The following SMC1B variants were observed in gnomAD, a reference collection of about 807,000 sequenced individuals.
SMC1B encodes the protein structural maintenance of chromosomes protein 1B.
A neutral mutation model predicts 157.9 loss-of-function variants in SMC1B; 60 were observed. That is an observed-to-expected ratio of 0.38 (90% CI 0.31 to 0.47). The LOEUF (loss-of-function observed/expected upper bound fraction) is 0.47. SMC1B is among the 20% of genes least tolerant of loss of function. The pLI, the probability that SMC1B is intolerant of heterozygous loss-of-function variation, is 0.99. For synonymous variants in SMC1B, 445 were observed against 483.0 expected (o/e 0.92, Z 1.03); for missense variants, 1,165 against 1,426.2 (o/e 0.82, Z 2.95).
At position 45,413,339 on chromosome 22, in the gene SMC1B, A is replaced by G; in HGVS notation, c.109+120T>C. On this transcript the variant is annotated intron_variant, in intron 1 of 24. Coordinates refer to ENST00000357450, the MANE Select transcript of SMC1B (RefSeq NM_148674.5). ...GATCCGGTCGCGGTCAGGCTCCGGG[A>G]CTGGAAGGGGAAGGCCGGCCAGGCG... 3 of 727,618 alleles carry G rather than the reference A, an allele frequency of 4.1e-6. 1 individual carries two copies. In the South Asian group the frequency reaches 5.7e-5, roughly 14 times the overall value. The allele number at this position is 727,618 out of a possible 1,614,324, so 45.1% of individuals were successfully genotyped here.
At chr22:45,353,555 T>C (rs1213820215) in intron 21 of SMC1B, among the ~76,000 whole-genome samples, 2 of 152,194 alleles carry the variant, frequency 1.3e-5, no homozygotes, top group East Asian at 3.9e-4. Flanking sequence ...CTTTAGTTAT[T>C]TTCCTCTCTT....
rs375870131 is a variant in SMC1B at position 45,389,774 on chromosome 22, T to C, written c.1669A>G (p.Ile557Val). ...VASEKVAKDCIRFLKEERAEP... is the reference protein window; with the variant it reads ...VASEKVAKDCVRFLKEERAEP... Reference sequence around the variant, plus strand: ...GCTCTTTCCTCCTTCAGAAATCGAATACAATCTTTTGCTACCTTTTCAGAG... The same window carrying C: ...GCTCTTTCCTCCTTCAGAAATCGAACACAATCTTTTGCTACCTTTTCAGAG... Residue 557 changes from isoleucine (I) to valine (V), a missense_variant, in exon 10 of 25, where the codon ATT becomes GTT. Ile to Val is a conservative substitution (Grantham distance 29, BLOSUM62 3). Coordinates refer to ENST00000357450, the MANE Select transcript of SMC1B (RefSeq NM_148674.5). 5.2e-5 allele frequency: 84 copies of C among 1,614,034 alleles called. No individual in the cohort carries two copies. Among genetic ancestry groups the C allele is most frequent in the Non-Finnish European group, 7.0e-5 (83 of 1,180,018 alleles).
At chr22:45,352,737 T>C in intron 21 of SMC1B, 135 bp from the exon 22 acceptor site, 1 of 846,962 alleles carries the variant, frequency 1.2e-6, no homozygotes, top group Admixed American at 2.9e-5. Context: ...CTATAAATAA[T>C]GTATTTAGTT....
At chr22:45,352,269 T>A (rs1016122351) in intron 22 of SMC1B, among the ~76,000 whole-genome samples, 182 bp downstream of exon 22, 12 of 152,272 alleles carry the variant, frequency 7.9e-5, no homozygotes, top group African/African-American at 2.4e-4. Context: ...TGTCTTCGAT[T>A]TGCTGTGTAA....
chr22:45,377,177 T>C (rs1432311074), intron 12 of SMC1B, among the ~76,000 whole-genome samples: 1 of 152,256 alleles, frequency 6.6e-6, no homozygotes, highest in East Asian at 1.9e-4. Flanking sequence ...TGTAGGATTC[T>C]TTTAAAATTA....
At chr22:45,358,469 C>A (rs5764700) in intron 19 of SMC1B, among the ~76,000 whole-genome samples, 58,901 of 151,968 alleles carry the variant, frequency 0.39, 13,502 homozygotes, top group Non-Finnish European at 0.52. Context: ...ATTGTAGAAC[C>A]CCCATTTGGT....
Position 45,413,561 on chromosome 22 carries a change from G to A in SMC1B, c.7C>T (p.His3Tyr), listed in dbSNP as rs779041352. MA[H>Y]LELLLVENFK... Reference sequence around the variant, plus strand: ...TTTTCCACAAGCAGCAGCTCCAGGTGGGCCATGGCGCCGCCCTCCACGCCT... The same window carrying A: ...TTTTCCACAAGCAGCAGCTCCAGGTAGGCCATGGCGCCGCCCTCCACGCCT... Residue 3 changes from histidine (H) to tyrosine (Y), a missense_variant, in exon 1 of 25, where the codon CAC becomes TAC. By Grantham distance (83) the His-to-Tyr change is moderately conservative. Coordinates refer to ENST00000357450, the MANE Select transcript of SMC1B (RefSeq NM_148674.5). The A allele has an allele frequency of 6.2e-6, 10 of 1,604,234 alleles. No homozygotes were observed. Among genetic ancestry groups the A allele is most frequent in the South Asian group, 3.4e-5 (3 of 89,442 alleles).
In SMC1B at chr22:45,349,735, A is replaced by T. The variant is rs1003990905; in HGVS notation, c.3488T>A (p.Ile1163Lys). 1.9e-6 allele frequency: 3 copies of T among 1,612,470 alleles called. No individual in the cohort carries two copies. The highest frequency in any genetic ancestry group is 2.5e-6 in the Non-Finnish European group (3 of 1,179,194). ...TGAAAAGCAGAAACTTACTTTGCCT[A>T]TGTTAGTATTGTCTAGGGCTGCATC... ...EVDAALDNTN[I>K]GKVSSYIKEQ... Residue 1163 changes from isoleucine to lysine, a missense_variant, in exon 23 of 25, where the codon ATA (isoleucine) becomes AAA (lysine). Ile to Lys is a moderately radical substitution (Grantham distance 102). Coordinates refer to ENST00000357450, the MANE Select transcript of SMC1B (RefSeq NM_148674.5).
chr22:45,394,373 G>C (rs372389594), intron 8 of SMC1B, among the ~76,000 whole-genome samples: 4 of 151,996 alleles, frequency 2.6e-5, no homozygotes, highest in African/African-American at 9.7e-5. Context: ...GGGTGCGATG[G>C]CTCACACCTG....
At chr22:45,351,892 A>C (rs1190716881) in intron 22 of SMC1B, among the ~76,000 whole-genome samples, 1 of 152,358 alleles carries the variant, frequency 6.6e-6, no homozygotes, top group Middle Eastern at 3.4e-3. Flanking sequence ...ATCAGTGGAA[A>C]TAAGGAGATT....
At chr22:45,396,236 T>G in intron 7 of SMC1B, 110 bp downstream of exon 7, 115 of 833,032 alleles carry the variant, frequency 1.4e-4, no homozygotes, top group Non-Finnish European at 1.7e-4. Flanking sequence ...ATAAATGAAA[T>G]GAGACAGTAT....
intron 19 of SMC1B, among the ~76,000 whole-genome samples, chr22:45,358,468 C>T (rs932595037): frequency 6.6e-6 from 1 of 152,076 alleles, no homozygotes; most frequent in African/African-American, 2.4e-5. Flanking sequence ...AATTGTAGAA[C>T]CCCCATTTGG....
intron 21 of SMC1B, among the ~76,000 whole-genome samples, chr22:45,353,096 C>A (rs189464993): frequency 2.0e-5 from 3 of 151,972 alleles, no homozygotes; most frequent in East Asian, 1.9e-4. Flanking sequence ...CATGGTGAAA[C>A]CCTGTCTCTA....
rs1169183564 is a variant in SMC1B, at chr22:45,402,414, T to C, written c.773A>G (p.His258Arg). 2 of 1,614,020 alleles carry C rather than the reference T, an allele frequency of 1.2e-6. No homozygotes were observed. The highest frequency in any genetic ancestry group is 2.2e-5 in the East Asian group (1 of 44,810). ...CCTGGCTTTAACTATGTTTTCATGA[T>C]GAGACAAAGACTCTCTTTTGACACT... ...DLSVKRESLS[H>R]HENIVKARKK... The change falls in exon 5 of 25, where the codon CAT becomes CGT. Residue 258 changes from histidine to arginine, a missense_variant. By Grantham distance (29) the His-to-Arg change is conservative (BLOSUM62 0). Coordinates refer to ENST00000357450, the MANE Select transcript of SMC1B (RefSeq NM_148674.5).
chr22:45,396,729 T>C (rs1287520814), intron 6 of SMC1B, among the ~76,000 whole-genome samples: 1 of 152,062 alleles, frequency 6.6e-6, no homozygotes, highest in Non-Finnish European at 1.5e-5. Flanking sequence ...TTTATTTTTA[T>C]TTTGCCCAGG....
intron 23 of SMC1B, 49 bp downstream of exon 23, chr22:45,349,679 G>T: frequency 1.3e-6 from 2 of 1,518,386 alleles, no homozygotes; most frequent in Non-Finnish European, 9.1e-7. Flanking sequence ...TGCCTCACAT[G>T]ATCCTTGAAT....
chr22:45,364,855 T>C (rs1267554734), intron 15 of SMC1B, among the ~76,000 whole-genome samples: 6 of 81,282 alleles, frequency 7.4e-5, no homozygotes, highest in Non-Finnish European at 9.7e-5. Flanking sequence ...TTTTTTTTTT[T>C]GAGATGGAGT....
In SMC1B at chr22:45,352,535, GGGGCCACAC is replaced by G. The variant is rs1395878829; in HGVS notation, c.3332_3340del (p.Cys1111_Pro1114delinsSer). The G allele has an allele frequency of 3.1e-6, 5 of 1,613,868 alleles. No individual in the cohort carries two copies. In the African/African-American group the frequency reaches 6.7e-5, roughly 22 times the overall value. On this transcript the variant is annotated inframe_deletion, in exon 22 of 25. Transcript: ENST00000357450. The stretch of plus-strand genomic sequence containing the variant: ...GTCCATTGGCATAAACCGTTTGCCT[GGGGCCACAC>G]AGTTATAGCTAATTCCCTCCAAGTA...
chr22:45,397,799 C>T (rs1056063314), intron 6 of SMC1B, among the ~76,000 whole-genome samples: 1 of 152,174 alleles, frequency 6.6e-6, no homozygotes, highest in African/African-American at 2.4e-5. Context: ...GAGAAACCAC[C>T]TGACTTCAGG....
Sources: allele counts gnomAD v4.1 joint callset (sites outside exome capture counted in the v4.1 genomes callset), GRCh38; gene constraint gnomAD v4.1.1; transcripts MANE v1.5; gene names NCBI Gene and HGNC (gene_info 2026-07-23, HGNC 2026-07-21).